The following TRIO variants were observed in gnomAD, a reference collection of about 807,000 sequenced individuals.
TRIO encodes the protein trio Rho guanine nucleotide exchange factor.
A neutral mutation model predicts 351.9 loss-of-function variants in TRIO; 58 were observed. The observed-to-expected ratio is 0.16, with a 90% CI of 0.13 to 0.21. TRIO has a LOEUF of 0.21. Among genes scored for constraint, TRIO ranks in the 10% least tolerant of loss-of-function variants. TRIO has a pLI of 1.00. For synonymous variants in TRIO, 1,758 were observed against 1,595.7 expected (o/e 1.10, Z -2.42); for missense variants, 3,201 against 4,027.8 (o/e 0.79, Z 5.56).
intron 1 of TRIO, among the ~76,000 whole-genome samples, chr5:14,164,317 C>A (rs1788641087): frequency 6.6e-6 from 1 of 152,206 alleles, no homozygotes; most frequent in Non-Finnish European, 1.5e-5. Context: ...GCTATAATTT[C>A]CTTGATGAGC....
chr5:14,326,450 G>C (rs1740393876), intron 9 of TRIO, among the ~76,000 whole-genome samples: 1 of 152,240 alleles, frequency 6.6e-6, no homozygotes. Context: ...CCGTGACCTT[G>C]GGACTGTTGT....
rs1222550687 is a variant in TRIO, at chr5:14,465,555, G to A, written c.5678G>A (p.Arg1893Gln). 7 of 1,613,620 alleles carry A rather than the reference G, an allele frequency of 4.3e-6. No homozygotes were observed. Among genetic ancestry groups the A allele is most frequent in the South Asian group, 1.1e-5 (1 of 91,052 alleles). ...PDSQDDKASS[R>Q]LLVRPTSSET... ...TAATTTCTTCTGTAGGCCTCTTCTC[G>A]GTTATTAGTCCGCCCCACCAGCTCC... Residue 1893 changes from arginine (R) to glutamine (Q), a missense_variant, in exon 37 of 57, where the codon CGG becomes CAG. Arg to Gln is a conservative substitution (Grantham distance 43). Transcript: ENST00000344204.
At chr5:14,369,346 C>G (rs1744877605) in intron 17 of TRIO, 28 bp from the exon 18 acceptor site, 1 of 1,581,682 alleles carries the variant, frequency 6.3e-7, no homozygotes, top group Non-Finnish European at 8.6e-7. Context: ...GATGCCAAGT[C>G]TGAGCCTCAA....
chr5:14,212,504 A>C (rs1324374627), intron 1 of TRIO, among the ~76,000 whole-genome samples: 1 of 152,192 alleles, frequency 6.6e-6, no homozygotes, highest in Non-Finnish European at 1.5e-5. Context: ...CAGATGTCTC[A>C]GGCATGTAGG....
Position 14,471,382 on chromosome 5 carries a change from A to G in TRIO, c.5828A>G (p.Asn1943Ser), listed in dbSNP as rs745976496. Residue 1943 changes from asparagine (N) to serine (S), a missense_variant, in exon 38 of 57, where the codon AAC becomes AGC. This residue lies in a region of TRIO where 307 missense variants were observed against 396.5 expected (regional missense o/e 0.77). Coordinates refer to ENST00000344204, the MANE Select transcript of TRIO (RefSeq NM_007118.4). ...DQGDSSSPSF[N>S]PSDNSLLSSS... is the part of the protein sequence containing the mutation. ...GGAGATAGTAGCAGCCCTTCCTTCA[A>G]CCCTTCGGATAATTCCCTTCTCTCT... The G allele has an allele frequency of 1.9e-6, 3 of 1,613,926 alleles. No homozygotes were observed. Among genetic ancestry groups the G allele is most frequent in the African/African-American group, 1.3e-5 (1 of 74,866 alleles).
chr5:14,351,605 C>T lies in TRIO; in HGVS notation c.2047-6573C>T, dbSNP rs115066561. Among the ~76,000 whole-genome samples the T allele has an allele frequency of 8.6e-3, 1,317 of 152,316 alleles. 15 individuals are homozygous for T. The highest frequency in any genetic ancestry group is 0.029 in the African/African-American group (1,226 of 41,562). ...ATACTTCACACGTGGATTCTCACTC[C>T]GGCTTCCCAGTTAGAGAAGATGCAT... On this transcript the variant is annotated intron_variant, in intron 11 of 56. Transcript: ENST00000344204.
At chr5:14,436,886 G>T (rs956346732) in intron 34 of TRIO, among the ~76,000 whole-genome samples, 22 of 152,216 alleles carry the variant, frequency 1.4e-4, no homozygotes, top group African/African-American at 4.8e-4. Context: ...TCACGGACTG[G>T]CATTGTTTGC....
At chr5:14,466,961 G>A (rs1754307528) in intron 37 of TRIO, among the ~76,000 whole-genome samples, 1 of 152,262 alleles carries the variant, frequency 6.6e-6, no homozygotes, top group African/African-American at 2.4e-5. Flanking sequence ...TCTAAGTGCT[G>A]AGCATGTATT....
chr5:14,251,429 T>G (rs2152247687), intron 1 of TRIO, among the ~76,000 whole-genome samples: 1 of 152,336 alleles, frequency 6.6e-6, no homozygotes, highest in African/African-American at 2.4e-5. Context: ...TCCGAGATTC[T>G]TAAACTACCA....
At chr5:14,160,765 A>T (rs987509394) in intron 1 of TRIO, among the ~76,000 whole-genome samples, 1 of 152,230 alleles carries the variant, frequency 6.6e-6, no homozygotes, top group Non-Finnish European at 1.5e-5. Context: ...CTTGTGTTAC[A>T]GGTGAGGAAT....
chr5:14,392,794 C>T (rs577380411), intron 27 of TRIO, among the ~76,000 whole-genome samples: 108 of 152,308 alleles, frequency 7.1e-4, no homozygotes, highest in African/African-American at 2.5e-3. Context: ...CGCCTGTAAT[C>T]CCAGCACTTT....
chr5:14,478,130 C>T (rs538283407), intron 41 of TRIO, among the ~76,000 whole-genome samples: 1 of 152,190 alleles, frequency 6.6e-6, no homozygotes, highest in Non-Finnish European at 1.5e-5. Context: ...AACTCGGTTA[C>T]ATAAGTGCTT....
intron 9 of TRIO, among the ~76,000 whole-genome samples, chr5:14,329,675 C>T (rs1740729414): frequency 6.6e-6 from 1 of 152,220 alleles, no homozygotes; most frequent in Admixed American, 6.5e-5. Flanking sequence ...TATAGCTGTG[C>T]ATTAACAAAT....
chr5:14,243,248 C>T (rs1234488051), intron 1 of TRIO, among the ~76,000 whole-genome samples: 1 of 152,092 alleles, frequency 6.6e-6, no homozygotes, highest in Non-Finnish European at 1.5e-5. Flanking sequence ...TGTTACTCCC[C>T]CCTCCCTCTC....
chr5:14,347,072 C>A (rs964409072), intron 11 of TRIO, among the ~76,000 whole-genome samples: 2 of 149,876 alleles, frequency 1.3e-5, no homozygotes, highest in African/African-American at 4.9e-5. Context: ...TGATGCTGGA[C>A]CAGTCATCTC....
chr5:14,150,911 A>C (rs745479712), intron 1 of TRIO, among the ~76,000 whole-genome samples: 1 of 152,208 alleles, frequency 6.6e-6, no homozygotes, highest in African/African-American at 2.4e-5. Context: ...ATACGTGTTA[A>C]TTTGGAAATC....
chr5:14,318,279 CAAAAAAAAAAAAAA>C (rs759632595), intron 9 of TRIO, among the ~76,000 whole-genome samples: 4 of 46,478 alleles, frequency 8.6e-5, no homozygotes, highest in African/African-American at 2.4e-4. Context: ...GACTCTATCT[CAAAAAAAAAAAAAA>C]AAAAAAAAAA....
chr5:14,310,994 C>T (rs407559), intron 8 of TRIO, among the ~76,000 whole-genome samples: 6,889 of 152,272 alleles, frequency 0.045, 548 homozygotes, highest in African/African-American at 0.16. Flanking sequence ...CTGTCACTTC[C>T]ATCACAGTTG....
At chr5:14,235,826 TAAA>T (rs373166268) in intron 1 of TRIO, among the ~76,000 whole-genome samples, 6 of 152,024 alleles carry the variant, frequency 3.9e-5, no homozygotes, top group East Asian at 1.9e-4. Context: ...AATTTTTAAT[TAAA>T]AAAAATTTTT....
Sources: allele counts gnomAD v4.1 joint callset (sites outside exome capture counted in the v4.1 genomes callset), GRCh38; gene constraint gnomAD v4.1.1; regional missense constraint gnomAD v4.1.1; transcripts MANE v1.5; gene names NCBI Gene and HGNC (gene_info 2026-07-23, HGNC 2026-07-21).